SLC25A23: variants seen among roughly 807,000 people sequenced by gnomAD.
SLC25A23 encodes the protein solute carrier family 25 member 23, also known as mitochondrial adenyl nucleotide antiporter SLC25A23.
A neutral mutation model predicts 53.9 loss-of-function variants in SLC25A23; 32 were observed. The ratio of observed to expected loss-of-function variants is 0.59; its 90% CI spans 0.45 to 0.80. SLC25A23 has a LOEUF of 0.80. Among genes scored for constraint, SLC25A23 ranks in the 30% least tolerant of loss-of-function variants. The probability of loss-of-function intolerance (pLI) is 0.00; values close to 1 mark genes in which losing one functional copy is unlikely to be tolerated. For missense variants in SLC25A23, 575 were observed against 651.4 expected (o/e 0.88, Z 1.28); for synonymous variants, 275 against 264.5 (o/e 1.04, Z -0.38).
chr19:6,453,442 G>A (rs536784279), intron 7 of SLC25A23, among the ~76,000 whole-genome samples: 1 of 152,076 alleles, frequency 6.6e-6, no homozygotes, highest in Non-Finnish European at 1.5e-5. Flanking sequence ...ATTTCACCAT[G>A]TTGGTCAGGC....
chr19:6,458,465 T>C, intron 1 of SLC25A23, 141 bp from the exon 2 acceptor site: 1 of 918,334 alleles, frequency 1.1e-6, no homozygotes, highest in South Asian at 1.8e-5. Context: ...CACTTCTCCC[T>C]CAGTCAGCTA....
Position 6,452,374 on chromosome 19 carries a change from C to A in SLC25A23, c.1009G>T (p.Gly337Cys). Residue 337 changes from glycine to cysteine, a missense_variant, in exon 8 of 10, where the codon GGC (glycine) becomes TGC (cysteine). Transcript: ENST00000301454. ...ATGCCCAGCACGTTGGGGAGGTAGC[C>A]GCGGTAGAAGGCACGGGGCCCCTCC... ...EREGPRAFYR[G>C]YLPNVLGIIP... The A allele has an allele frequency of 3.1e-6, 5 of 1,613,672 alleles. No homozygotes were observed. The highest frequency in any genetic ancestry group is 4.2e-6 in the Non-Finnish European group (5 of 1,179,884).
intron 8 of SLC25A23, among the ~76,000 whole-genome samples, chr19:6,449,647 C>T (rs1288166765): frequency 6.6e-6 from 1 of 151,832 alleles, no homozygotes; most frequent in African/African-American, 2.4e-5. Flanking sequence ...ATCTCTTGAC[C>T]TTGTGATCCA....
intron 8 of SLC25A23, among the ~76,000 whole-genome samples, chr19:6,448,385 A>G (rs2092537446): frequency 6.6e-6 from 1 of 151,982 alleles, no homozygotes; most frequent in African/African-American, 2.4e-5. Flanking sequence ...TGCCAAATAG[A>G]TGTTTAATGG....
downstream of SLC25A23, among the ~76,000 whole-genome samples, chr19:6,439,397 TCTCACACACA>T (rs2092382023): frequency 9.6e-6 from 1 of 104,136 alleles, no homozygotes; most frequent in Non-Finnish European, 2.0e-5. Context: ...TCTCTCTCTC[TCTCACACACA>T]CACACACACA....
intron 9 of SLC25A23, among the ~76,000 whole-genome samples, chr19:6,442,876 C>T (rs1176944134): frequency 2.6e-5 from 4 of 151,716 alleles, no homozygotes; most frequent in Admixed American, 6.6e-5. Flanking sequence ...TCAGGTGATC[C>T]GCCCACCTCG....
At chr19:6,456,592 G>A (rs10418327) in intron 3 of SLC25A23, 61 bp from the exon 4 acceptor site, 80,168 of 1,358,184 alleles carry the variant, frequency 0.059, 2,886 homozygotes, top group South Asian at 0.12. Context: ...GGCTAGGCTG[G>A]GGTGAAGTTC....
intron 9 of SLC25A23, among the ~76,000 whole-genome samples, chr19:6,442,886 G>A (rs906531272): frequency 6.7e-6 from 1 of 149,854 alleles, no homozygotes; most frequent in Non-Finnish European, 1.5e-5. Context: ...CGCCCACCTC[G>A]GCCTCCCAAA....
At chr19:6,437,677 C>T (rs1421640216), downstream of SLC25A23, among the ~76,000 whole-genome samples, 3 of 151,640 alleles carry the variant, frequency 2.0e-5, no homozygotes, top group South Asian at 2.1e-4. Flanking sequence ...GGCATGGTGG[C>T]GGGTGCCTGT....
chr19:6,454,015 C>T lies in SLC25A23; in HGVS notation c.869G>A (p.Gly290Asp), dbSNP rs758728833. 9.9e-6 allele frequency: 16 copies of T among 1,613,238 alleles called. No homozygotes were observed. Among genetic ancestry groups the T allele is most frequent in the Non-Finnish European group, 1.4e-5 (16 of 1,179,968 alleles). Reference sequence around the variant, plus strand: ...GTAAATGATGGTTTGGGCTGTGGCACCAGCCAGGGAGCCAGCCACGAAGCG... The same window carrying T: ...GTAAATGATGGTTTGGGCTGTGGCATCAGCCAGGGAGCCAGCCACGAAGCG... Reference protein sequence around the residue: ...QERFVAGSLAGATAQTIIYPM... With the variant: ...QERFVAGSLADATAQTIIYPM... The change falls in exon 7 of 10, where the codon GGT (glycine) becomes GAT (aspartate). Residue 290 changes from glycine to aspartate, a missense_variant. Transcript: ENST00000301454. This position sits in a 1 kb window ranked among gnomAD's most constrained non-coding sequence, Gnocchi z 4.3.
intron 8 of SLC25A23, among the ~76,000 whole-genome samples, chr19:6,450,645 G>A (rs527493140): frequency 1.5e-4 from 23 of 152,282 alleles, no homozygotes; most frequent in Non-Finnish European, 2.8e-4. Context: ...AGTGAGCAAC[G>A]GTCTTGTCTC....
At chr19:6,457,813 T>C (rs952721967) in intron 2 of SLC25A23, among the ~76,000 whole-genome samples, 1 of 151,186 alleles carries the variant, frequency 6.6e-6, no homozygotes, top group Non-Finnish European at 1.5e-5. Flanking sequence ...GTTCTGTAAA[T>C]GAATGAAGGA....
At chr19:6,439,219 C>G (rs980189856), downstream of SLC25A23, among the ~76,000 whole-genome samples, 2 of 151,864 alleles carry the variant, frequency 1.3e-5, no homozygotes, top group Admixed American at 1.3e-4. Flanking sequence ...GACCCTGTCT[C>G]AAAAATAAAT....
In SLC25A23 at chr19:6,459,429, C is replaced by T; in HGVS notation, c.156+44G>A. The T allele has an allele frequency of 6.6e-7, 1 of 1,519,296 alleles. No homozygotes were observed. The highest frequency in any genetic ancestry group is 1.2e-5 in the South Asian group (1 of 82,336). 94.1% of individuals were successfully genotyped at this position (1,519,296 alleles called of 1,614,324 possible). ...GTTCAGGGGCTTGGGTAACCGGGAG[C>T]GGGCGGGGCCGGGAGGGGAGGAGGT... On this transcript the variant is annotated intron_variant, in intron 1 of 9. Transcript: ENST00000301454. This position sits in a 1 kb window ranked among gnomAD's most constrained non-coding sequence, Gnocchi z 4.6.
downstream of SLC25A23, among the ~76,000 whole-genome samples, chr19:6,437,374 A>G (rs1276449786): frequency 6.6e-6 from 1 of 152,178 alleles, no homozygotes; most frequent in Non-Finnish European, 1.5e-5. Context: ...GTCCCCCAAA[A>G]AGATGTGTTC....
intron 8 of SLC25A23, 120 bp downstream of exon 8, chr19:6,452,192 A>G (rs1275874902): frequency 1.3e-5 from 18 of 1,409,626 alleles, no homozygotes; most frequent in Non-Finnish European, 1.7e-5. Flanking sequence ...TCCTCACCTC[A>G]TAACTGCCTT....
At position 6,454,110 on chromosome 19, in the gene SLC25A23, A is replaced by G. The variant is rs758765374; in HGVS notation, c.796-22T>C. 6.2e-7 allele frequency: 1 copy of G among 1,604,528 alleles called. No homozygotes were observed. The highest frequency in any genetic ancestry group is 8.5e-7 in the Non-Finnish European group (1 of 1,174,292). ...TGATCTGAGGCGGGGAGACACAGGG[A>G]TGGGTAGGACCATGGGGGTTGAACC... On this transcript the variant is annotated intron_variant, in intron 6 of 9. Transcript: ENST00000301454. This position sits in a 1 kb window ranked among gnomAD's most constrained non-coding sequence, Gnocchi z 4.3.
chr19:6,454,584 A>G lies in SLC25A23; in HGVS notation c.617T>C (p.Leu206Pro). 1.2e-6 allele frequency: 2 copies of G among 1,613,796 alleles called. No individual in the cohort carries two copies. Among genetic ancestry groups the G allele is most frequent in the Non-Finnish European group, 1.7e-6 (2 of 1,180,016 alleles). The change falls in exon 5 of 10, where the codon CTG (leucine) becomes CCG (proline). Residue 206 changes from leucine (L) to proline (P), a missense_variant. Physicochemically the swap from Leu to Pro is moderately conservative, Grantham distance 98. Coordinates refer to ENST00000301454, the MANE Select transcript of SLC25A23 (RefSeq NM_024103.3). The surrounding 1 kb of genome is among the most constrained non-coding windows in gnomAD (Gnocchi z 4.3). ...CTGCATGAAGACCTTGAGGCGGTCC[A>G]GAGGGGCCGTGCCTGTCCGTGACAC... The part of the protein sequence containing the change: ...GAVSRTGTAP[L>P]DRLKVFMQVH...
At chr19:6,442,682 G>A (rs1015147336) in intron 9 of SLC25A23, among the ~76,000 whole-genome samples, 4 of 151,842 alleles carry the variant, frequency 2.6e-5, no homozygotes, top group East Asian at 3.9e-4. Context: ...CCAAGTAGCC[G>A]GGATTACAGG....
Sources: allele counts gnomAD v4.1 joint callset (sites outside exome capture counted in the v4.1 genomes callset), GRCh38; gene constraint gnomAD v4.1.1; non-coding constraint Gnocchi (gnomAD v3.1); transcripts MANE v1.5; gene names NCBI Gene and HGNC (gene_info 2026-07-23, HGNC 2026-07-21).